MTUS2: variants seen among roughly 807,000 people sequenced by gnomAD.
MTUS2 encodes the protein microtubule-associated tumor suppressor candidate 2.
In MTUS2, 40 loss-of-function variants were observed where a neutral mutation model predicts 114.1. The observed-to-expected ratio is 0.35, with a 90% CI of 0.27 to 0.46. The LOEUF (loss-of-function observed/expected upper bound fraction) is 0.46. Among genes scored for constraint, MTUS2 ranks in the 20% least tolerant of loss-of-function variants. The pLI is 1.00. For missense variants in MTUS2, 1,679 were observed against 1,705.4 expected (o/e 0.98, Z 0.27); for synonymous variants, 688 against 672.0 (o/e 1.02, Z -0.37).
chr13:28,848,782 G>T (rs896178084), intron 2 of MTUS2, among the ~76,000 whole-genome samples: 2 of 152,034 alleles, frequency 1.3e-5, no homozygotes, highest in African/African-American at 2.4e-5. Context: ...ACAAGGATTT[G>T]CCCACTCTCC....
intron 4 of MTUS2, among the ~76,000 whole-genome samples, chr13:29,061,487 G>A (rs1026468804): frequency 6.6e-6 from 1 of 152,128 alleles, no homozygotes; most frequent in Non-Finnish European, 1.5e-5. Flanking sequence ...CATGCAGATT[G>A]ATATTCATCC....
Position 29,017,703 on chromosome 13 carries a change from GAAAA to G in MTUS2, c.-242-6744_-242-6741del, listed in dbSNP as rs11369162. 2.8e-5 allele frequency among the ~76,000 whole-genome samples: 4 copies of G among 145,132 alleles called. No individual in the cohort carries two copies. The East Asian group carries it at 8.1e-4, about 29-fold the overall frequency. The stretch of plus-strand genomic sequence containing the variant: ...TTTACAATTTTCATCTTGAAAGATT[GAAAA>G]AAAAAAAAACTCACATTGTAGTGAA... On this transcript the variant is annotated intron_variant, in intron 2 of 15. Coordinates refer to ENST00000612955, the MANE Select transcript of MTUS2 (RefSeq NM_001033602.4).
chr13:28,995,616 A>C (rs967338229), intron 2 of MTUS2, among the ~76,000 whole-genome samples: 1 of 152,022 alleles, frequency 6.6e-6, no homozygotes, highest in African/African-American at 2.4e-5. Flanking sequence ...GGTCCTTCAC[A>C]TCCCTTGTAA....
At position 29,310,917 on chromosome 13, in the gene MTUS2, G is replaced by C. The variant is rs148604623; in HGVS notation, c.2807-13696G>C. On this transcript the variant is annotated intron_variant, in intron 6 of 15. Transcript: ENST00000612955. ...TCATACATGTGTATCTAGAGACATG[G>C]ACAAGCCTGTTCAAAGCAGCATTGT... Among the ~76,000 whole-genome samples, 936 of 152,248 alleles carry C rather than the reference G, an allele frequency of 6.1e-3. 13 individuals carry two copies. The highest frequency in any genetic ancestry group is 0.021 in the African/African-American group (892 of 41,542).
At chr13:29,318,916 A>G (rs1900136038) in intron 6 of MTUS2, among the ~76,000 whole-genome samples, 1 of 152,162 alleles carries the variant, frequency 6.6e-6, no homozygotes, top group South Asian at 2.1e-4. Context: ...GGTGAATATA[A>G]TCAGTGCCAG....
intron 5 of MTUS2, among the ~76,000 whole-genome samples, chr13:29,257,464 G>A (rs111965010): frequency 1.8e-4 from 28 of 152,188 alleles, no homozygotes; most frequent in Admixed American, 7.9e-4. Context: ...CATGGAATGC[G>A]AAAGGCATCC....
rs554682158 is a variant in MTUS2, at chr13:29,346,519, A to G, written c.2906-12743A>G. Among the ~76,000 whole-genome samples the G allele has an allele frequency of 1.4e-3, 215 of 149,826 alleles. 1 individual carries two copies. Among genetic ancestry groups the G allele is most frequent in the African/African-American group, 5.3e-3 (213 of 40,406 alleles). ...CAGTGACAGGCCTTACCCAATGCCC[A>G]TACAGCCAGCAACGCCAGTCTCACT... On this transcript the variant is annotated intron_variant, in intron 7 of 15. Transcript: ENST00000612955.
chr13:29,300,730 T>C (rs1181151626), intron 6 of MTUS2, among the ~76,000 whole-genome samples: 5 of 152,290 alleles, frequency 3.3e-5, no homozygotes, highest in African/African-American at 1.2e-4. Context: ...ACAGTAGTTC[T>C]TCATGGGGTG....
At chr13:29,450,912 A>G (rs1878635912) in intron 9 of MTUS2, among the ~76,000 whole-genome samples, 1 of 152,252 alleles carries the variant, frequency 6.6e-6, no homozygotes, top group Non-Finnish European at 1.5e-5. Context: ...AAATACCTAC[A>G]TACCGAACAA....
At chr13:29,028,865 C>T (rs913225603) in intron 3 of MTUS2, among the ~76,000 whole-genome samples, 1 of 152,044 alleles carries the variant, frequency 6.6e-6, no homozygotes, top group African/African-American at 2.4e-5. Flanking sequence ...TCATGAACTC[C>T]ATATGTGTTG....
intron 2 of MTUS2, among the ~76,000 whole-genome samples, chr13:28,963,674 A>G (rs1593338452): frequency 6.6e-6 from 1 of 152,096 alleles, no homozygotes; most frequent in East Asian, 1.9e-4. Context: ...ATGCAGAAGC[A>G]CTTTTTGAAA....
intron 5 of MTUS2, among the ~76,000 whole-genome samples, chr13:29,253,521 C>A (rs933906676): frequency 6.6e-6 from 1 of 152,144 alleles, no homozygotes; most frequent in African/African-American, 2.4e-5. Flanking sequence ...CAATTTTCCA[C>A]CTCCAGCCCA....
chr13:29,288,436 G>GGGGAA (rs10633394), intron 6 of MTUS2, among the ~76,000 whole-genome samples: 3,140 of 152,296 alleles, frequency 0.021, 104 homozygotes, highest in African/African-American at 0.072. Flanking sequence ...GGAATGGAAA[G>GGGGAA]GGGAAGGGAA....
rs1202581728 is a variant in MTUS2 at position 28,920,228 on chromosome 13, G to GT, written c.-243+80383dup. Among the ~76,000 whole-genome samples, 47 of 152,184 alleles carry GT rather than the reference G, an allele frequency of 3.1e-4. 1 individual carries two copies. The highest frequency in any genetic ancestry group is 8.8e-5 in the Non-Finnish European group (6 of 68,034). Reference sequence around the variant, plus strand: ...TATTGTAGTCTCACAGTCTGGGCTTGTTTTTGCCAGTTTTCCTTGGGAAAG... The same window carrying GT: ...TATTGTAGTCTCACAGTCTGGGCTTGTTTTTTGCCAGTTTTCCTTGGGAAAG... On this transcript the variant is annotated intron_variant, in intron 2 of 15. Coordinates refer to ENST00000612955, the MANE Select transcript of MTUS2 (RefSeq NM_001033602.4).
intron 2 of MTUS2, among the ~76,000 whole-genome samples, chr13:28,862,377 G>T (rs577857076): frequency 1.4e-3 from 213 of 152,336 alleles, no homozygotes; most frequent in African/African-American, 4.4e-3. Flanking sequence ...TTGGAAGGCC[G>T]AGGCGGGTGC....
chr13:29,179,117 A>G (rs937677489), intron 5 of MTUS2, among the ~76,000 whole-genome samples: 2 of 152,220 alleles, frequency 1.3e-5, no homozygotes, highest in African/African-American at 2.4e-5. Flanking sequence ...TTAATGTAAC[A>G]TAAGCCAAAG....
In MTUS2 at chr13:29,195,539, G is replaced by GAAAA. The variant is rs59726006; in HGVS notation, c.2645-86146_2645-86143dup. Among the ~76,000 whole-genome samples, 9 of 78,520 alleles carry GAAAA rather than the reference G, an allele frequency of 1.1e-4. No individual in the cohort carries two copies. In the East Asian group the frequency reaches 1.8e-3, roughly 15 times the overall value. The allele number at this position is 78,520 out of a possible 152,430, so 51.5% of individuals were successfully genotyped here. A position where few individuals can be genotyped will look rare whatever the true frequency, so the allele number is the denominator to read the frequency against. ...CCATCACAGATTAAAACTTAATTCT[G>GAAAA]AAAAAAAAAAAAAAAAAAAAAAGAG... On this transcript the variant is annotated intron_variant, in intron 5 of 15. Coordinates refer to ENST00000612955, the MANE Select transcript of MTUS2 (RefSeq NM_001033602.4).
At chr13:29,180,372 A>G (rs973932674) in intron 5 of MTUS2, among the ~76,000 whole-genome samples, 1 of 152,268 alleles carries the variant, frequency 6.6e-6, no homozygotes, top group African/African-American at 2.4e-5. Flanking sequence ...AGTATCATAA[A>G]GAAACAAGCA....
At chr13:29,024,381 T>C (rs1266165334) in intron 2 of MTUS2, 76 bp from the exon 3 acceptor site, 3 of 303,624 alleles carry the variant, frequency 9.9e-6, no homozygotes, top group African/African-American at 6.4e-5. Context: ...GACAAATAAA[T>C]CTGTGTTTAC....
Sources: allele counts gnomAD v4.1 joint callset (sites outside exome capture counted in the v4.1 genomes callset), GRCh38; gene constraint gnomAD v4.1.1; transcripts MANE v1.5; gene names NCBI Gene and HGNC (gene_info 2026-07-23, HGNC 2026-07-21).